The following MTPN variants were observed in gnomAD, a reference collection of about 807,000 sequenced individuals.
MTPN encodes the protein granule cell differentiation protein.
A neutral mutation model predicts 13.5 loss-of-function variants in MTPN; 2 were observed. The ratio of observed to expected loss-of-function variants is 0.15; its 90% CI spans 0.06 to 0.47. The LOEUF (loss-of-function observed/expected upper bound fraction) is 0.47, where lower values mean the gene tolerates loss of function less well. Among genes scored for constraint, MTPN ranks in the 20% least tolerant of loss-of-function variants. The pLI is 0.97. For missense variants in MTPN, 79 were observed against 137.9 expected (o/e 0.57, Z 2.14); for synonymous variants, 46 against 51.7 (o/e 0.89, Z 0.48).
chr7:135,950,237 C>T (rs1799345337), intron 3 of MTPN, among the ~76,000 whole-genome samples: 1 of 152,146 alleles, frequency 6.6e-6, no homozygotes, highest in African/African-American at 2.4e-5. Context: ...CATTTCAAAC[C>T]AGTGCTACTC....
chr7:135,930,933 C>T (rs1562927753), intron 3 of MTPN, among the ~76,000 whole-genome samples: 1 of 152,044 alleles, frequency 6.6e-6, no homozygotes, highest in African/African-American at 2.4e-5. Flanking sequence ...ACACATTCTT[C>T]TGCTTGTTCC....
At chr7:135,930,851 G>C (rs115033200) in intron 3 of MTPN, among the ~76,000 whole-genome samples, 1,941 of 152,214 alleles carry the variant, frequency 0.013, 36 homozygotes, top group African/African-American at 0.044. Flanking sequence ...CTGTTTACCA[G>C]CTCTAGCTCC....
chr7:135,927,377 G>T lies in MTPN; in HGVS notation c.*2549C>A. 1 of 1,549,710 alleles carries T rather than the reference G, an allele frequency of 6.5e-7. No individual in the cohort carries two copies. The highest frequency in any genetic ancestry group is 1.2e-5 in the South Asian group (1 of 84,020). ...AGTCTGAAGCTGCAAGGGAGACTTT[G>T]TTAGTACACTACTATAAACAGGTAA... On this transcript the variant is annotated 3_prime_UTR_variant, in exon 4 of 4. Coordinates refer to ENST00000393085, the MANE Select transcript of MTPN (RefSeq NM_145808.4).
chr7:135,970,653 TAAAAGG>T (rs1799679780), intron 1 of MTPN, among the ~76,000 whole-genome samples: 1 of 152,148 alleles, frequency 6.6e-6, no homozygotes, highest in African/African-American at 2.4e-5. Context: ...TCTGCACTAA[TAAAAGG>T]AAAATGTTTA....
chr7:135,929,499 C>T lies in MTPN; in HGVS notation c.*427G>A, dbSNP rs568458753. On this transcript the variant is annotated 3_prime_UTR_variant, in exon 4 of 4. Coordinates refer to ENST00000393085, the MANE Select transcript of MTPN (RefSeq NM_145808.4). ...AGAGCTAATTGCTTATCTCAGCACCCTAAGTTTACATCACAGCAGCCACTA... is the reference window on the plus strand; with the variant it reads ...AGAGCTAATTGCTTATCTCAGCACCTTAAGTTTACATCACAGCAGCCACTA... 16 of 181,660 alleles carry T rather than the reference C, an allele frequency of 8.8e-5. No homozygotes were observed. In the East Asian group the frequency reaches 2.3e-3, roughly 26 times the overall value. The allele number at this position is 181,660 out of a possible 1,614,324, so 11.3% of individuals were successfully genotyped here. A position where few individuals can be genotyped will look rare whatever the true frequency, so the allele number is the denominator to read the frequency against.
At chr7:135,949,972 TTTC>T (rs1387354485) in intron 3 of MTPN, among the ~76,000 whole-genome samples, 1 of 152,176 alleles carries the variant, frequency 6.6e-6, no homozygotes, top group Non-Finnish European at 1.5e-5. Context: ...TTTCTGAAGA[TTTC>T]TTGCTTTCCA....
chr7:135,947,793 G>T (rs1328889116), intron 3 of MTPN, among the ~76,000 whole-genome samples: 1 of 151,724 alleles, frequency 6.6e-6, no homozygotes, highest in Non-Finnish European at 1.5e-5. Flanking sequence ...ATCCATAAAA[G>T]AGAGATAATA....
intron 1 of MTPN, among the ~76,000 whole-genome samples, chr7:135,961,637 T>C (rs1799524793): frequency 6.6e-6 from 1 of 151,980 alleles, no homozygotes; most frequent in Non-Finnish European, 1.5e-5. Context: ...ACAGGTTCAA[T>C]GTGCTAGGCT....
intron 1 of MTPN, among the ~76,000 whole-genome samples, chr7:135,965,744 T>G (rs1403808263): frequency 6.6e-6 from 1 of 152,124 alleles, no homozygotes; most frequent in African/African-American, 2.4e-5. Flanking sequence ...CAAAGTTCAT[T>G]GGGTTTAAAA....
chr7:135,930,986 T>C (rs547231584), intron 3 of MTPN, among the ~76,000 whole-genome samples: 86 of 152,204 alleles, frequency 5.7e-4, no homozygotes, highest in African/African-American at 1.8e-3. Context: ...TATGGTCCTT[T>C]AGAGGCTAAC....
chr7:135,957,300 A>T (rs1268431802), intron 1 of MTPN, among the ~76,000 whole-genome samples: 1 of 152,134 alleles, frequency 6.6e-6, no homozygotes, highest in Non-Finnish European at 1.5e-5. Context: ...AAACCATAAC[A>T]TGCTTTAGGA....
At chr7:135,932,955 T>C (rs1799047527) in intron 3 of MTPN, 1 of 152,100 alleles carries the variant, frequency 6.6e-6, no homozygotes, top group Non-Finnish European at 1.5e-5. Flanking sequence ...CCTCATGTGA[T>C]GGCACACGCC....
chr7:135,967,674 T>G (rs1003488370), intron 1 of MTPN, among the ~76,000 whole-genome samples: 3 of 152,156 alleles, frequency 2.0e-5, no homozygotes, highest in Admixed American at 2.0e-4. Flanking sequence ...CAGCTAATAT[T>G]TACTAGCACT....
At chr7:135,973,351 T>C (rs1799724807) in intron 1 of MTPN, among the ~76,000 whole-genome samples, 2 of 151,390 alleles carry the variant, frequency 1.3e-5, no homozygotes, top group Admixed American at 6.6e-5. Flanking sequence ...GAGGAATGGA[T>C]GAGGGAGACT....
At position 135,926,981 on chromosome 7, in the gene MTPN, C is replaced by A. The variant is rs541599128; in HGVS notation, c.*2945G>T. 13 of 191,368 alleles carry A rather than the reference C, an allele frequency of 6.8e-5. No individual in the cohort carries two copies. Among genetic ancestry groups the A allele is most frequent in the Non-Finnish European group, 1.1e-4 (10 of 93,848 alleles). 11.9% of individuals were successfully genotyped at this position (191,368 alleles called of 1,614,324 possible). A position where few individuals can be genotyped will look rare whatever the true frequency, so the allele number is the denominator to read the frequency against. Reference sequence around the variant, plus strand: ...AAAGATATGATTGTTTCTCCATTTACAAAATAGAATCAGGACAATTTAAAT... The same window carrying A: ...AAAGATATGATTGTTTCTCCATTTAAAAAATAGAATCAGGACAATTTAAAT... On this transcript the variant is annotated 3_prime_UTR_variant, in exon 4 of 4. Coordinates refer to ENST00000393085, the MANE Select transcript of MTPN (RefSeq NM_145808.4).
At chr7:135,931,072 T>G (rs896418952) in intron 3 of MTPN, among the ~76,000 whole-genome samples, 1 of 152,202 alleles carries the variant, frequency 6.6e-6, no homozygotes, top group East Asian at 1.9e-4. Flanking sequence ...CACCAGTTCC[T>G]GCTGTGTTTC....
At chr7:135,956,233 A>C (rs1381168536) in intron 1 of MTPN, among the ~76,000 whole-genome samples, 1 of 152,230 alleles carries the variant, frequency 6.6e-6, no homozygotes, top group African/African-American at 2.4e-5. Flanking sequence ...TGCTCTATAT[A>C]GTTCCTTTCT....
chr7:135,966,650 C>T (rs1197583922), intron 1 of MTPN, among the ~76,000 whole-genome samples: 1 of 152,086 alleles, frequency 6.6e-6, no homozygotes, highest in Non-Finnish European at 1.5e-5. Context: ...ACGACTTCTG[C>T]TGTTTTTGGA....
chr7:135,977,142 G>A lies in MTPN; in HGVS notation c.-42C>T. 6.2e-7 allele frequency: 1 copy of A among 1,606,626 alleles called. No homozygotes were observed. The highest frequency in any genetic ancestry group is 8.5e-7 in the Non-Finnish European group (1 of 1,173,796). Reference sequence around the variant, plus strand: ...GCCGGTTGGCCGGGCAGAAGATGAGGAGGCGGTGGCAGCAGCAAGCGGATG... The same window carrying A: ...GCCGGTTGGCCGGGCAGAAGATGAGAAGGCGGTGGCAGCAGCAAGCGGATG... On this transcript the variant is annotated 5_prime_UTR_variant, in exon 1 of 4. Coordinates refer to ENST00000393085, the MANE Select transcript of MTPN (RefSeq NM_145808.4).
Sources: allele counts gnomAD v4.1 joint callset (sites outside exome capture counted in the v4.1 genomes callset), GRCh38; gene constraint gnomAD v4.1.1; transcripts MANE v1.5; gene names NCBI Gene and HGNC (gene_info 2026-07-23, HGNC 2026-07-21).